The following XYLT1 variants were observed in gnomAD, a reference collection of about 807,000 sequenced individuals.
XYLT1 encodes beta-D-xylosyltransferase 1.
Under a neutral mutation model 91.3 loss-of-function variants are expected in XYLT1, and 36 were observed. The observed-to-expected ratio is 0.39, with a 90% CI of 0.30 to 0.52. The LOEUF is 0.52. Ranked by LOEUF, XYLT1 falls within the 20% of genes least tolerant of loss-of-function variation. The pLI is 0.68. For missense variants in XYLT1, 1,242 were observed against 1,284.5 expected, an observed-to-expected ratio of 0.97 and a Z score of 0.51; for synonymous variants, 588 against 532.0, an observed-to-expected ratio of 1.11 and a Z score of -1.45.
rs1370344464 is a variant in XYLT1 at position 17,470,749 on chromosome 16, C to G, written c.48G>C (p.Ser16=). Residue 16 remains serine, a synonymous_variant, in exon 1 of 12, where the codon TCG becomes TCC. Transcript: ENST00000261381. Reference sequence around the variant, plus strand: ...GCACCGTGAGCGCCGCGAGCAGCGCCGAGTGCGAGCGCCGGGCCAGCCTCC... The same window carrying G: ...GCACCGTGAGCGCCGCGAGCAGCGCGGAGTGCGAGCGCCGGGCCAGCCTCC... ...CARRLARRSH[S]ALLAALTVLL... 5.4e-6 allele frequency: 6 copies of G among 1,107,708 alleles called. No homozygotes were observed. The highest frequency in any genetic ancestry group is 6.7e-6 in the Non-Finnish European group (6 of 898,452). 68.6% of individuals were successfully genotyped at this position (1,107,708 alleles called of 1,614,324 possible).
chr16:17,261,929 C>CA (rs112716020), intron 2 of XYLT1, among the ~76,000 whole-genome samples: 4 of 151,780 alleles, frequency 2.6e-5, no homozygotes, highest in Admixed American at 6.6e-5. Context: ...CAGATACCTA[C>CA]AAAAAAAATC....
At position 17,215,773 on chromosome 16, in the gene XYLT1, G is replaced by A. The variant is rs1360087867; in HGVS notation, c.914-15119C>T. ...AAGGGCCTGTCACGAATGATAGTATGGTAAGGAGAAGACATACAGGAAGGC... is the reference window on the plus strand; with the variant it reads ...AAGGGCCTGTCACGAATGATAGTATAGTAAGGAGAAGACATACAGGAAGGC... On this transcript the variant is annotated intron_variant, in intron 3 of 11. Transcript: ENST00000261381. Among the ~76,000 whole-genome samples the A allele has an allele frequency of 6.6e-5, 10 of 152,264 alleles. No homozygotes were observed. The East Asian group carries it at 1.9e-3, about 29-fold the overall frequency.
intron 5 of XYLT1, among the ~76,000 whole-genome samples, chr16:17,164,134 G>A (rs918029923): frequency 6.6e-6 from 1 of 150,932 alleles, no homozygotes; most frequent in African/African-American, 2.4e-5. Flanking sequence ...GAGGGTTGAG[G>A]TGCTTTCAAC....
chr16:17,321,357 T>C lies in XYLT1; in HGVS notation c.402+36655A>G, dbSNP rs1344403658. 3.5e-5 allele frequency among the ~76,000 whole-genome samples: 4 copies of C among 114,810 alleles called. 1 individual carries two copies. Among genetic ancestry groups the C allele is most frequent in the African/African-American group, 1.6e-4 (4 of 25,216 alleles). 75.3% of individuals were successfully genotyped at this position (114,810 alleles called of 152,430 possible). ...ACTAACTAGCCTTTTTTTTTTTTTT[T>C]TTTTTTTTTTTTTTTTTTTTGAGGC... On this transcript the variant is annotated intron_variant, in intron 2 of 11. Transcript: ENST00000261381.
intron 5 of XYLT1, among the ~76,000 whole-genome samples, chr16:17,169,958 G>A (rs751198161): frequency 3.0e-4 from 46 of 152,208 alleles, no homozygotes; most frequent in Non-Finnish European, 4.9e-4. Flanking sequence ...TACAAGGAAA[G>A]CTGTTTTCAG....
chr16:17,298,197 G>C (rs943997182), intron 2 of XYLT1, among the ~76,000 whole-genome samples: 1 of 152,080 alleles, frequency 6.6e-6, no homozygotes, highest in Non-Finnish European at 1.5e-5. Context: ...TGTAAAATCG[G>C]TTCCGTCAGG....
At chr16:17,138,066 G>GA (rs2030815872) in intron 8 of XYLT1, among the ~76,000 whole-genome samples, 1 of 151,926 alleles carries the variant, frequency 6.6e-6, no homozygotes, top group African/African-American at 2.4e-5. Context: ...CCTTTGGAAA[G>GA]TTTTTTTTAA....
chr16:17,144,344 G>A (rs1044006946), intron 6 of XYLT1, among the ~76,000 whole-genome samples: 8 of 152,200 alleles, frequency 5.3e-5, no homozygotes, highest in Admixed American at 3.9e-4. Context: ...CACTATAAAC[G>A]ACAGGCTTTA....
chr16:17,135,197 A>G (rs1283610562), intron 8 of XYLT1, among the ~76,000 whole-genome samples: 1 of 152,192 alleles, frequency 6.6e-6, no homozygotes, highest in Non-Finnish European at 1.5e-5. Context: ...TGGCAACCCC[A>G]GGCCCACACT....
intron 2 of XYLT1, among the ~76,000 whole-genome samples, chr16:17,272,596 A>G (rs1159509718): frequency 6.6e-6 from 1 of 152,066 alleles, no homozygotes; most frequent in Admixed American, 6.5e-5. Context: ...AAATCTAGAG[A>G]TTTCATCTAA....
intron 1 of XYLT1, among the ~76,000 whole-genome samples, chr16:17,437,882 C>T (rs931053831): frequency 6.6e-6 from 1 of 152,178 alleles, no homozygotes; most frequent in Non-Finnish European, 1.5e-5. Flanking sequence ...AGGCTGAATA[C>T]TGGTTGCCGC....
At chr16:17,239,643 T>C (rs1355370370) in intron 3 of XYLT1, among the ~76,000 whole-genome samples, 1 of 147,606 alleles carries the variant, frequency 6.8e-6, no homozygotes, top group Non-Finnish European at 1.5e-5. Context: ...CATCCACTCA[T>C]CCGCCCAGCC....
intron 8 of XYLT1, 22 bp from the exon 9 acceptor site, chr16:17,134,757 T>C (rs368212265): frequency 2.8e-4 from 448 of 1,610,410 alleles, no homozygotes; most frequent in Non-Finnish European, 3.7e-4. Context: ...GGATTAAAAA[T>C]AGAAAAGCCA....
intron 9 of XYLT1, among the ~76,000 whole-genome samples, 178 bp from the exon 10 acceptor site, chr16:17,128,039 T>C (rs535626293): frequency 8.5e-5 from 13 of 152,314 alleles, no homozygotes; most frequent in Admixed American, 2.0e-4. Flanking sequence ...TTTCTTCTGC[T>C]GATTATGAAT....
Position 17,434,495 on chromosome 16 carries a change from A to T in XYLT1, c.363+35939T>A, listed in dbSNP as rs115705604. ...CAATTATTAAGAAAAGTGAGCTATA[A>T]ACAAAACAGATCAGGCTTAGCAACC... On this transcript the variant is annotated intron_variant, in intron 1 of 11. Transcript: ENST00000261381. Among the ~76,000 whole-genome samples, 266 of 152,304 alleles carry T rather than the reference A, an allele frequency of 1.7e-3. 2 individuals carry two copies. The highest frequency in any genetic ancestry group is 6.2e-3 in the African/African-American group (257 of 41,556).
At chr16:17,434,243 T>C (rs1291086185) in intron 1 of XYLT1, among the ~76,000 whole-genome samples, 2 of 152,178 alleles carry the variant, frequency 1.3e-5, no homozygotes, top group Middle Eastern at 3.2e-3. Flanking sequence ...TGGGAAAAGT[T>C]CTGGGAAGGG....
chr16:17,309,259 G>T (rs769764220), intron 2 of XYLT1, among the ~76,000 whole-genome samples: 2 of 152,090 alleles, frequency 1.3e-5, no homozygotes, highest in African/African-American at 4.8e-5. Context: ...AGTAGCATCC[G>T]TCCCCCGTAG....
intron 5 of XYLT1, among the ~76,000 whole-genome samples, chr16:17,170,253 G>A (rs2031793252): frequency 6.6e-6 from 1 of 152,232 alleles, no homozygotes; most frequent in South Asian, 2.1e-4. Flanking sequence ...ACCAAGCTGT[G>A]ACATTTCAAT....
At chr16:17,317,181 A>G (rs1001781957) in intron 2 of XYLT1, among the ~76,000 whole-genome samples, 1 of 151,906 alleles carries the variant, frequency 6.6e-6, no homozygotes, top group Non-Finnish European at 1.5e-5. Context: ...CTGTTTCCCC[A>G]TCTAGGTGTT....
Sources: allele counts gnomAD v4.1 joint callset (sites outside exome capture counted in the v4.1 genomes callset), GRCh38; gene constraint gnomAD v4.1.1; transcripts MANE v1.5; gene names NCBI Gene and HGNC (gene_info 2026-07-23, HGNC 2026-07-21).